PTPN3: variants seen among roughly 807,000 people sequenced by gnomAD.
PTPN3 encodes protein tyrosine phosphatase non-receptor type 3.
Under a neutral mutation model 132.7 loss-of-function variants are expected in PTPN3, and 96 were observed. That is an observed-to-expected ratio of 0.72 (90% CI 0.61 to 0.86). The LOEUF is 0.86. Ranked by LOEUF, PTPN3 falls within the 40% of genes least tolerant of loss-of-function variation. The pLI is 0.00. For missense variants in PTPN3, 1,125 were observed against 1,159.6 expected, an observed-to-expected ratio of 0.97 and a Z score of 0.43; for synonymous variants, 398 against 429.0, an observed-to-expected ratio of 0.93 and a Z score of 0.89.
In PTPN3 at chr9:109,377,394, CTACACACACACACA is replaced by C. The variant is rs1838652495; in HGVS notation, c.*2148_*2161del. Reference sequence around the variant, plus strand: ...TAGGCAACACATCAAGATCCTGTCTCTACACACACACACACACACACACACACACACACACACAC... The same window carrying C: ...TAGGCAACACATCAAGATCCTGTCTCCACACACACACACACACACACACAC... On this transcript the variant is annotated 3_prime_UTR_variant, in exon 26 of 26. Coordinates refer to ENST00000374541, the MANE Select transcript of PTPN3 (RefSeq NM_002829.4). 1 of 115,682 alleles carries C rather than the reference CTACACACACACACA, an allele frequency of 8.6e-6. No individual in the cohort carries two copies. Among genetic ancestry groups the C allele is most frequent in the Non-Finnish European group, 1.8e-5 (1 of 55,200 alleles). 7.2% of individuals were successfully genotyped at this position (115,682 alleles called of 1,614,324 possible). A position where few individuals can be genotyped will look rare whatever the true frequency, so the allele number is the denominator to read the frequency against.
intron 7 of PTPN3, among the ~76,000 whole-genome samples, chr9:109,443,555 T>C (rs2131965603): frequency 6.6e-6 from 1 of 152,296 alleles, no homozygotes; most frequent in South Asian, 2.1e-4. Flanking sequence ...TTCTAGTTAG[T>C]GTTCCTGCCT....
At chr9:109,510,596 TA>T in the PTPN3 span, among the ~76,000 whole-genome samples, 15 of 130,498 alleles carry the variant, frequency 1.1e-4, 1 homozygote, top group African/African-American at 3.7e-4. Context: ...TATATATATA[TA>T]TATATATATA....
intron 1 of PTPN3, among the ~76,000 whole-genome samples, chr9:109,486,832 T>C (rs975747927): frequency 2.0e-5 from 3 of 152,124 alleles, no homozygotes; most frequent in East Asian, 1.9e-4. Flanking sequence ...GTTCTTGTGA[T>C]AGTGAGTTCT....
At chr9:109,391,443 G>A (rs753120558) in intron 20 of PTPN3, 28 bp downstream of exon 20, 7 of 1,572,878 alleles carry the variant, frequency 4.5e-6, no homozygotes, top group Non-Finnish European at 6.1e-6. Context: ...GTGTAGGGGG[G>A]AAGGAGGCAT....
At chr9:109,396,407 A>C (rs1050176403) in intron 19 of PTPN3, among the ~76,000 whole-genome samples, 2 of 152,170 alleles carry the variant, frequency 1.3e-5, no homozygotes, top group African/African-American at 4.8e-5. Flanking sequence ...ATTCATCGGA[A>C]AAACAACAAT....
At chr9:109,424,797 T>C (rs1166091682) in intron 12 of PTPN3, among the ~76,000 whole-genome samples, 1 of 152,230 alleles carries the variant, frequency 6.6e-6, no homozygotes, top group Non-Finnish European at 1.5e-5. Flanking sequence ...AGTCATGAGA[T>C]ATAACAGAAT....
chr9:109,485,198 A>C (rs950728616), intron 1 of PTPN3, among the ~76,000 whole-genome samples: 6 of 149,750 alleles, frequency 4.0e-5, no homozygotes, highest in Admixed American at 6.7e-5. Context: ...ATAGAGTGAG[A>C]CTCTGTCTTA....
At chr9:109,388,459 G>A (rs992369622) in intron 22 of PTPN3, among the ~76,000 whole-genome samples, 1 of 152,144 alleles carries the variant, frequency 6.6e-6, no homozygotes, top group Non-Finnish European at 1.5e-5. Context: ...GAAAGAAAGG[G>A]CTGGGAAACA....
Position 109,422,793 on chromosome 9 carries a change from A to C in PTPN3, c.1061T>G (p.Met354Arg). 6.2e-7 allele frequency: 1 copy of C among 1,611,704 alleles called. No individual in the cohort carries two copies. Among genetic ancestry groups the C allele is most frequent in the Non-Finnish European group, 8.5e-7 (1 of 1,178,030 alleles). The change falls in exon 13 of 26, where the codon ATG (methionine) becomes AGG (arginine). Residue 354 changes from methionine to arginine, a missense_variant. Coordinates refer to ENST00000374541, the MANE Select transcript of PTPN3 (RefSeq NM_002829.4). ...GTGCTCCACTGATAAGGATCTCCGC[A>C]TGGCTGGGTTCCACACCATCCCGCC... ...VIGGMVWNPA[M>R]RRSLSVEHLE...
the PTPN3 span, among the ~76,000 whole-genome samples, chr9:109,506,777 A>G: frequency 6.6e-6 from 1 of 151,768 alleles, no homozygotes; most frequent in Non-Finnish European, 1.5e-5. Context: ...TGATTTTTGT[A>G]TTTTTGGTAG....
intron 9 of PTPN3, 136 bp from the exon 10 acceptor site, chr9:109,433,297 A>G (rs1843791947): frequency 4.4e-6 from 6 of 1,357,050 alleles, no homozygotes; most frequent in Admixed American, 2.9e-5. Flanking sequence ...GAAAACAGGC[A>G]AAAAGCCCCA....
At chr9:109,381,533 G>A (rs867720539) in intron 25 of PTPN3, 119 bp downstream of exon 25, 2 of 1,408,858 alleles carry the variant, frequency 1.4e-6, no homozygotes, top group South Asian at 2.6e-5. Flanking sequence ...GTGACCTTGG[G>A]CAAGTGATTC....
intron 19 of PTPN3, among the ~76,000 whole-genome samples, chr9:109,399,121 G>A (rs1258536447): frequency 1.3e-5 from 2 of 152,164 alleles, no homozygotes; most frequent in Admixed American, 1.3e-4. Context: ...TGAGGGCTGG[G>A]TACACTCAGC....
intron 5 of PTPN3, chr9:109,451,080 G>A: frequency 7.2e-6 from 7 of 973,950 alleles, no homozygotes; most frequent in Non-Finnish European, 8.5e-6. Flanking sequence ...ATTAATGGTA[G>A]AAGCCTGGTC....
chr9:109,445,227 C>G lies in PTPN3; in HGVS notation c.466+13G>C, dbSNP rs371771360. The G allele has an allele frequency of 4.7e-5, 76 of 1,611,244 alleles. No homozygotes were observed. The highest frequency in any genetic ancestry group is 6.0e-5 in the Non-Finnish European group (71 of 1,177,502). ...AACCTGTCCATCCGTGAAATGCTCC[C>G]TTTGTGACTTACATTGTACGGCATA... On this transcript the variant is annotated intron_variant, in intron 7 of 25. Transcript: ENST00000374541.
chr9:109,487,750 A>G (rs901464859), intron 1 of PTPN3, among the ~76,000 whole-genome samples: 1 of 152,262 alleles, frequency 6.6e-6, no homozygotes, highest in Non-Finnish European at 1.5e-5. Flanking sequence ...ACTTATTTCT[A>G]TAGTCAGAGA....
At chr9:109,509,283 C>A in the PTPN3 span, among the ~76,000 whole-genome samples, 1 of 152,136 alleles carries the variant, frequency 6.6e-6, no homozygotes, top group Admixed American at 6.6e-5. Context: ...TCATGGGAAG[C>A]TGCCCCAGTG....
intron 19 of PTPN3, among the ~76,000 whole-genome samples, chr9:109,395,472 A>G (rs1042070862): frequency 2.0e-5 from 3 of 152,092 alleles, no homozygotes; most frequent in African/African-American, 7.2e-5. Flanking sequence ...GAATTTAAAC[A>G]TTTAGTTTCC....
In PTPN3 at chr9:109,454,807, T is replaced by G. The variant is rs565404436; in HGVS notation, c.290-233A>C. 5.9e-5 allele frequency among the ~76,000 whole-genome samples: 9 copies of G among 152,338 alleles called. No homozygotes were observed. In the East Asian group the frequency reaches 1.7e-3, roughly 29 times the overall value. On this transcript the variant is annotated intron_variant, in intron 4 of 25. Transcript: ENST00000374541. Reference sequence around the variant, plus strand: ...ACAGACTGAGTTATCATCTACTTCCTAGCACACGTTTATCTTAGGGCTGTG... The same window carrying G: ...ACAGACTGAGTTATCATCTACTTCCGAGCACACGTTTATCTTAGGGCTGTG...
Sources: allele counts gnomAD v4.1 joint callset (sites outside exome capture counted in the v4.1 genomes callset), GRCh38; gene constraint gnomAD v4.1.1; transcripts MANE v1.5; gene names NCBI Gene and HGNC (gene_info 2026-07-23, HGNC 2026-07-21).